Variants in OSBPL10 observed in about 807,000 individuals in gnomAD.
OSBPL10 encodes oxysterol binding protein like 10, also known as oxysterol-binding protein-related protein 10.
OSBPL10 carries 49 observed loss-of-function variants against 81.7 expected under a neutral mutation model. That is an observed-to-expected ratio of 0.60 (90% CI 0.48 to 0.76). The LOEUF (loss-of-function observed/expected upper bound fraction) is 0.76, where lower values mean the gene tolerates loss of function less well. Ranked by LOEUF, OSBPL10 falls within the 30% of genes least tolerant of loss-of-function variation. The pLI is 0.00. For missense variants in OSBPL10, 923 were observed against 987.8 expected (o/e 0.93, Z 0.88); for synonymous variants, 419 against 383.6 (o/e 1.09, Z -1.08).
chr3:32,031,522 C>T (rs534916970), intron 2 of OSBPL10, among the ~76,000 whole-genome samples: 3 of 151,700 alleles, frequency 2.0e-5, no homozygotes, highest in South Asian at 2.1e-4. Flanking sequence ...AGTGCAGTGG[C>T]GTGATCTTGG....
At position 31,676,483 on chromosome 3, in the gene OSBPL10, C is replaced by T. The variant is rs551807404; in HGVS notation, c.1727-5500G>A. Among the ~76,000 whole-genome samples, 3 of 151,748 alleles carry T rather than the reference C, an allele frequency of 2.0e-5. 1 individual carries two copies. The highest frequency in any genetic ancestry group is 4.2e-4 in the South Asian group (2 of 4,810). ...TCATTTGAAATTCCACAAATTGATT[C>T]GCCAATAAAGGCAAAGCATTAAGAT... On this transcript the variant is annotated intron_variant, in intron 8 of 11. Coordinates refer to ENST00000396556, the MANE Select transcript of OSBPL10 (RefSeq NM_017784.5).
intron 2 of OSBPL10, among the ~76,000 whole-genome samples, chr3:32,039,551 C>T (rs1204202359): frequency 6.7e-6 from 1 of 149,660 alleles, no homozygotes; most frequent in African/African-American, 2.5e-5. Flanking sequence ...CCCAGCTTCC[C>T]GGGAGGCTAA....
At chr3:31,867,592 C>T (rs1024626908) in intron 3 of OSBPL10, among the ~76,000 whole-genome samples, 17 of 151,978 alleles carry the variant, frequency 1.1e-4, no homozygotes, top group Admixed American at 6.6e-5. Context: ...AAATACAAAA[C>T]ATTAGCCAGG....
intron 3 of OSBPL10, among the ~76,000 whole-genome samples, chr3:31,841,523 G>A (rs1700498251): frequency 6.6e-6 from 1 of 152,204 alleles, no homozygotes; most frequent in African/African-American, 2.4e-5. Context: ...CCCAGGCGAG[G>A]CTTAGGCTAT....
At chr3:31,935,713 G>A (rs1337920857) in intron 1 of OSBPL10, among the ~76,000 whole-genome samples, 6 of 151,834 alleles carry the variant, frequency 4.0e-5, no homozygotes, top group Non-Finnish European at 5.9e-5. Context: ...TAGTAGAGAC[G>A]GGGTTTCACC....
chr3:31,901,692 G>A lies in OSBPL10; in HGVS notation c.282-21862C>T, dbSNP rs548816579. Among the ~76,000 whole-genome samples the A allele has an allele frequency of 5.9e-5, 9 of 152,272 alleles. No individual in the cohort carries two copies. In the South Asian group the frequency reaches 6.2e-4, roughly 11 times the overall value. On this transcript the variant is annotated intron_variant, in intron 1 of 11. Coordinates refer to ENST00000396556, the MANE Select transcript of OSBPL10 (RefSeq NM_017784.5). ...CACTAGACTGCATGTCCTTCAGGGC[G>A]GAACCACATCAGGATTCTTCACTGC...
chr3:31,671,285 C>T (rs1427227853), intron 8 of OSBPL10, among the ~76,000 whole-genome samples: 1 of 152,134 alleles, frequency 6.6e-6, no homozygotes, highest in East Asian at 1.9e-4. Flanking sequence ...GTGGCCAGCA[C>T]AATGGAGGCC....
At chr3:31,973,728 C>T (rs905132982) in intron 1 of OSBPL10, among the ~76,000 whole-genome samples, 6 of 152,182 alleles carry the variant, frequency 3.9e-5, no homozygotes, top group Admixed American at 2.6e-4. Context: ...GCCATCTATT[C>T]ACTTATGCAC....
At chr3:31,701,141 G>A (rs1695880908) in intron 7 of OSBPL10, among the ~76,000 whole-genome samples, 2 of 152,150 alleles carry the variant, frequency 1.3e-5, no homozygotes, top group African/African-American at 2.4e-5. Flanking sequence ...TAGTCACTCT[G>A]TTCTGTCATC....
At position 31,677,343 on chromosome 3, in the gene OSBPL10, G is replaced by A. The variant is rs144412207; in HGVS notation, c.1726+6291C>T. Among the ~76,000 whole-genome samples, 9 of 152,268 alleles carry A rather than the reference G, an allele frequency of 5.9e-5. No individual in the cohort carries two copies. The South Asian group carries it at 1.2e-3, about 21-fold the overall frequency. ...TTAATACAAAAGATAAGGGGACGCA[G>A]CTACTGAAGGGACTTAGGCAAACTC... On this transcript the variant is annotated intron_variant, in intron 8 of 11. Coordinates refer to ENST00000396556, the MANE Select transcript of OSBPL10 (RefSeq NM_017784.5).
chr3:31,733,529 C>A, intron 5 of OSBPL10, 118 bp from the exon 6 acceptor site: 2 of 1,232,692 alleles, frequency 1.6e-6, no homozygotes, highest in Non-Finnish European at 2.4e-6. Context: ...AGGTAAAACA[C>A]AGAGGGCTTG....
At chr3:31,813,897 T>C (rs1699771052) in intron 4 of OSBPL10, among the ~76,000 whole-genome samples, 1 of 152,230 alleles carries the variant, frequency 6.6e-6, no homozygotes, top group African/African-American at 2.4e-5. Context: ...GGCACGCATG[T>C]ACATGCTGAG....
chr3:31,860,196 C>A (rs973153412), intron 3 of OSBPL10, among the ~76,000 whole-genome samples: 1 of 152,156 alleles, frequency 6.6e-6, no homozygotes, highest in Non-Finnish European at 1.5e-5. Flanking sequence ...TTTGAAGAAG[C>A]CTGCACCTCG....
intron 4 of OSBPL10, among the ~76,000 whole-genome samples, chr3:31,811,845 A>G (rs1354104968): frequency 6.6e-6 from 1 of 152,200 alleles, no homozygotes; most frequent in African/African-American, 2.4e-5. Flanking sequence ...CTTTGTGGAC[A>G]AATGGCCCAT....
At chr3:31,732,422 G>A (rs142376002) in intron 6 of OSBPL10, among the ~76,000 whole-genome samples, 41 of 152,264 alleles carry the variant, frequency 2.7e-4, no homozygotes, top group African/African-American at 9.1e-4. Context: ...AATAGATTTT[G>A]TAAGTGTTCT....
intron 1 of OSBPL10, among the ~76,000 whole-genome samples, chr3:31,956,707 G>A (rs1004796440): frequency 4.6e-5 from 7 of 151,816 alleles, no homozygotes; most frequent in Admixed American, 2.0e-4. Flanking sequence ...CAACCTGGGC[G>A]ACAAGAGCGA....
At chr3:31,975,009 C>A (rs1234119410) in intron 1 of OSBPL10, among the ~76,000 whole-genome samples, 1 of 152,132 alleles carries the variant, frequency 6.6e-6, no homozygotes, top group Non-Finnish European at 1.5e-5. Context: ...ATGGAAATCA[C>A]CCATAATCCC....
At chr3:31,678,781 ACTGTGTGTGTGTGT>A (rs1169091598) in intron 8 of OSBPL10, among the ~76,000 whole-genome samples, 1 of 99,212 alleles carries the variant, frequency 1.0e-5, no homozygotes, top group African/African-American at 4.2e-5. Flanking sequence ...ACAGATTCAA[ACTGTGTGTGTGTGT>A]GTGTGTGTGT....
chr3:32,040,135 G>A (rs531604987), intron 2 of OSBPL10, among the ~76,000 whole-genome samples: 15 of 152,232 alleles, frequency 9.9e-5, no homozygotes, highest in African/African-American at 1.2e-4. Flanking sequence ...GGCCAGGCAC[G>A]GTGGCTCATG....
Sources: gnomAD v4.1 joint callset for allele counts (sites outside exome capture counted in the v4.1 genomes callset) on GRCh38, gnomAD v4.1.1 for gene constraint, MANE v1.5 for transcripts, NCBI Gene and HGNC (gene_info 2026-07-23, HGNC 2026-07-21) for gene names.